The following MDGA2 variants were observed in gnomAD, a reference collection of about 807,000 sequenced individuals.
MDGA2 encodes MAM domain containing glycosylphosphatidylinositol anchor 2.
A neutral mutation model predicts 117.8 loss-of-function variants in MDGA2; 40 were observed. The observed-to-expected ratio is 0.34, with a 90% CI of 0.26 to 0.44. The LOEUF (loss-of-function observed/expected upper bound fraction) is 0.44. MDGA2 is among the 20% of genes least tolerant of loss of function. The pLI is 1.00. For synonymous variants in MDGA2, 452 were observed against 439.0 expected (o/e 1.03, Z -0.37); for missense variants, 1,123 against 1,250.6 (o/e 0.90, Z 1.54).
At chr14:46,872,956 A>G (rs1566501537) in intron 14 of MDGA2, among the ~76,000 whole-genome samples, 1 of 151,336 alleles carries the variant, frequency 6.6e-6, no homozygotes, top group South Asian at 2.1e-4. Context: ...GAATGTTCTT[A>G]AATCTTACTG....
intron 1 of MDGA2, among the ~76,000 whole-genome samples, chr14:47,648,068 A>G (rs1594961838): frequency 6.6e-6 from 1 of 152,284 alleles, no homozygotes; most frequent in East Asian, 1.9e-4. Context: ...TTGTGTAGGC[A>G]AATATCTACT....
chr14:46,967,704 A>G (rs1161121829), intron 8 of MDGA2, among the ~76,000 whole-genome samples: 1 of 152,130 alleles, frequency 6.6e-6, no homozygotes, highest in Non-Finnish European at 1.5e-5. Context: ...ACATTCCAAG[A>G]TCCCCAGCAA....
At chr14:47,368,421 T>C (rs1314751425) in intron 1 of MDGA2, among the ~76,000 whole-genome samples, 1 of 152,216 alleles carries the variant, frequency 6.6e-6, no homozygotes, top group African/African-American at 2.4e-5. Context: ...ATATTTCTAC[T>C]ACCATCTAGA....
chr14:47,524,989 C>A lies in MDGA2; in HGVS notation c.280+149528G>T, dbSNP rs1301600221. Among the ~76,000 whole-genome samples the A allele has an allele frequency of 7.2e-5, 11 of 152,264 alleles. No individual in the cohort carries two copies. In the South Asian group the frequency reaches 2.1e-3, roughly 29 times the overall value. On this transcript the variant is annotated intron_variant, in intron 1 of 16. Coordinates refer to ENST00000399232, the MANE Select transcript of MDGA2 (RefSeq NM_001113498.3). ...TAAACTCACATTCAATTTAAGAATACCTTCTACATTTGTGAAGCTTTGTCC... is the reference window on the plus strand; with the variant it reads ...TAAACTCACATTCAATTTAAGAATAACTTCTACATTTGTGAAGCTTTGTCC...
At chr14:47,329,764 G>A (rs1367151712) in intron 1 of MDGA2, among the ~76,000 whole-genome samples, 1 of 151,902 alleles carries the variant, frequency 6.6e-6, no homozygotes, top group Non-Finnish European at 1.5e-5. Flanking sequence ...CGAACAGATA[G>A]TGAAAAATAC....
intron 6 of MDGA2, among the ~76,000 whole-genome samples, chr14:47,073,856 C>A (rs949492083): frequency 6.6e-6 from 1 of 152,170 alleles, no homozygotes; most frequent in South Asian, 2.1e-4. Context: ...TCTCACGTTC[C>A]TTCAAAATGT....
At chr14:47,103,782 G>T (rs1293326211) in intron 5 of MDGA2, among the ~76,000 whole-genome samples, 1 of 152,222 alleles carries the variant, frequency 6.6e-6, no homozygotes, top group African/African-American at 2.4e-5. Flanking sequence ...GCCTGGCACA[G>T]TATCTGTTGT....
chr14:46,906,530 TAAAA>T (rs1883499943), intron 10 of MDGA2, among the ~76,000 whole-genome samples: 1 of 152,080 alleles, frequency 6.6e-6, no homozygotes, highest in African/African-American at 2.4e-5. Flanking sequence ...AACCATTAAT[TAAAA>T]AAGATGATTA....
chr14:47,130,907 T>A (rs1336050897), intron 5 of MDGA2, among the ~76,000 whole-genome samples: 3 of 152,156 alleles, frequency 2.0e-5, no homozygotes, highest in Non-Finnish European at 4.4e-5. Flanking sequence ...AAAACTTATA[T>A]ACCTAATGTA....
chr14:47,274,529 G>A (rs1376835458), intron 2 of MDGA2, among the ~76,000 whole-genome samples: 1 of 152,052 alleles, frequency 6.6e-6, no homozygotes, highest in Non-Finnish European at 1.5e-5. Context: ...GAGCACTGTT[G>A]TATGAACATT....
At chr14:47,094,430 A>G (rs1879846811) in intron 6 of MDGA2, among the ~76,000 whole-genome samples, 3 of 152,048 alleles carry the variant, frequency 2.0e-5, no homozygotes, top group South Asian at 2.1e-4. Flanking sequence ...CCCTAGGCAC[A>G]TATTTGTTGT....
intron 1 of MDGA2, among the ~76,000 whole-genome samples, chr14:47,407,441 A>C (rs989141558): frequency 6.6e-6 from 1 of 152,002 alleles, no homozygotes; most frequent in Non-Finnish European, 1.5e-5. Flanking sequence ...CTGTTTGCTT[A>C]TTCATATATT....
chr14:47,245,880 T>A (rs1887219525), intron 2 of MDGA2, among the ~76,000 whole-genome samples: 1 of 151,790 alleles, frequency 6.6e-6, no homozygotes, highest in Non-Finnish European at 1.5e-5. Context: ...TCAAGCATTT[T>A]TAGGAACATT....
chr14:47,649,379 G>A (rs1444803433), intron 1 of MDGA2, among the ~76,000 whole-genome samples: 2 of 152,298 alleles, frequency 1.3e-5, no homozygotes, highest in East Asian at 3.9e-4. Flanking sequence ...ACTGCTAAGT[G>A]CTTTATGTAT....
chr14:47,283,298 T>A (rs1244661725), intron 2 of MDGA2, among the ~76,000 whole-genome samples: 1 of 152,200 alleles, frequency 6.6e-6, no homozygotes, highest in East Asian at 1.9e-4. Flanking sequence ...TCAAGAAAAG[T>A]AAATTAAAAT....
intron 9 of MDGA2, among the ~76,000 whole-genome samples, chr14:46,934,863 G>A (rs189150459): frequency 5.5e-4 from 84 of 151,980 alleles, no homozygotes; most frequent in African/African-American, 1.9e-3. Context: ...TTTGTCAGTG[G>A]GTGAGGAAAG....
At chr14:47,388,874 G>A (rs1251808446) in intron 1 of MDGA2, among the ~76,000 whole-genome samples, 1 of 152,116 alleles carries the variant, frequency 6.6e-6, no homozygotes, top group East Asian at 1.9e-4. Context: ...CAGCCTCCTT[G>A]CAGTATAAAG....
intron 1 of MDGA2, among the ~76,000 whole-genome samples, chr14:47,384,710 G>A (rs1206512148): frequency 6.6e-6 from 1 of 152,096 alleles, no homozygotes; most frequent in Admixed American, 6.6e-5. Context: ...GCTCCCAGTG[G>A]CTCCATCCCA....
Position 47,665,643 on chromosome 14 carries a change from G to A in MDGA2, c.280+8874C>T, listed in dbSNP as rs372630044. 5.3e-3 allele frequency among the ~76,000 whole-genome samples: 814 copies of A among 152,306 alleles called. 10 individuals are homozygous for A. Among genetic ancestry groups the A allele is most frequent in the African/African-American group, 0.019 (772 of 41,576 alleles). ...CTCGGAGCGGCCTGCTGGCCCTGCC[G>A]GCCCTGAGCAATGGGGGGCTTAGCA... is the stretch of plus-strand genomic sequence containing the variant. On this transcript the variant is annotated intron_variant, in intron 1 of 16. Transcript: ENST00000399232.
Sources: gnomAD v4.1 joint callset for allele counts (sites outside exome capture counted in the v4.1 genomes callset) on GRCh38, gnomAD v4.1.1 for gene constraint, MANE v1.5 for transcripts, NCBI Gene and HGNC (gene_info 2026-07-23, HGNC 2026-07-21) for gene names.